TOPAZ1: variants seen among roughly 807,000 people sequenced by gnomAD.
The protein encoded by TOPAZ1 is protein TOPAZ1.
A neutral mutation model predicts 172.2 loss-of-function variants in TOPAZ1; 66 were observed. The observed-to-expected ratio is 0.38, with a 90% CI of 0.31 to 0.47. TOPAZ1 has a LOEUF of 0.47. Among genes scored for constraint, TOPAZ1 ranks in the 20% least tolerant of loss-of-function variants. The probability of loss-of-function intolerance (pLI) is 0.99; values close to 1 mark genes in which losing one functional copy is unlikely to be tolerated. For synonymous variants in TOPAZ1, 681 were observed against 683.9 expected (o/e 1.00, Z 0.07); for missense variants, 1,822 against 1,972.4 (o/e 0.92, Z 1.44).
downstream of TOPAZ1, among the ~76,000 whole-genome samples, chr3:44,336,462 C>G (rs1700727712): frequency 1.3e-5 from 2 of 152,274 alleles, no homozygotes; most frequent in Middle Eastern, 3.4e-3. Flanking sequence ...TGTTGTTCAG[C>G]CACAATCAGA....
chr3:44,276,802 G>GT (rs1053846133), intron 8 of TOPAZ1, among the ~76,000 whole-genome samples: 16 of 150,472 alleles, frequency 1.1e-4, no homozygotes, highest in African/African-American at 1.5e-4. Flanking sequence ...TGTTTTTTTG[G>GT]TTTTTTTTAG....
chr3:44,332,362 G>T (rs576980850), downstream of TOPAZ1, among the ~76,000 whole-genome samples: 2 of 152,102 alleles, frequency 1.3e-5, no homozygotes, highest in African/African-American at 4.8e-5. Flanking sequence ...AACATTTAGG[G>T]GTATGAAATA....
chr3:44,290,672 C>T, intron 11 of TOPAZ1, 99 bp from the exon 12 acceptor site: 1 of 670,620 alleles, frequency 1.5e-6, no homozygotes, highest in Non-Finnish European at 2.5e-6. Context: ...CTCCATGTTT[C>T]ACTTCTTCCA....
chr3:44,331,705 G>A (rs1242166464), intron 19 of TOPAZ1, 87 bp from the exon 20 acceptor site: 4 of 1,030,908 alleles, frequency 3.9e-6, no homozygotes, highest in South Asian at 1.5e-5. Flanking sequence ...TCATAGCTTA[G>A]TACCAGTAAA....
chr3:44,306,543 A>G (rs891526652), intron 15 of TOPAZ1, 117 bp downstream of exon 15: 9 of 558,766 alleles, frequency 1.6e-5, no homozygotes, highest in African/African-American at 1.5e-4. Flanking sequence ...TACAATTGAT[A>G]AAGTGGGACC....
chr3:44,247,962 A>G (rs1490858279), intron 2 of TOPAZ1, among the ~76,000 whole-genome samples: 1 of 152,150 alleles, frequency 6.6e-6, no homozygotes, highest in Admixed American at 6.5e-5. Context: ...AATCTTGACT[A>G]TTTTGATTCA....
chr3:44,326,263 T>C (rs1029152626), intron 18 of TOPAZ1, among the ~76,000 whole-genome samples: 2 of 152,248 alleles, frequency 1.3e-5, no homozygotes, highest in African/African-American at 4.8e-5. Flanking sequence ...ATATTTATAT[T>C]CCCACCAGCC....
chr3:44,255,511 G>T (rs1241545766), intron 3 of TOPAZ1, among the ~76,000 whole-genome samples: 2 of 151,834 alleles, frequency 1.3e-5, no homozygotes, highest in Admixed American at 1.3e-4. Context: ...AATTAGCCGG[G>T]CGTGGTGGCA....
chr3:44,250,216 C>T (rs1699614122), intron 2 of TOPAZ1, among the ~76,000 whole-genome samples: 1 of 125,212 alleles, frequency 8.0e-6, no homozygotes, highest in African/African-American at 3.0e-5. Context: ...GTAGAGTAGT[C>T]TTATTACCAA....
intron 8 of TOPAZ1, among the ~76,000 whole-genome samples, chr3:44,277,997 A>G (rs937153747): frequency 2.0e-5 from 3 of 152,208 alleles, no homozygotes; most frequent in Admixed American, 6.5e-5. Flanking sequence ...ATTTCTTTAT[A>G]GCAATGCAAG....
At chr3:44,324,094 C>T (rs938155980) in intron 18 of TOPAZ1, among the ~76,000 whole-genome samples, 5 of 152,208 alleles carry the variant, frequency 3.3e-5, no homozygotes, top group African/African-American at 1.2e-4. Context: ...GTGATCAATG[C>T]AGCAGGTGGT....
intron 12 of TOPAZ1, among the ~76,000 whole-genome samples, chr3:44,292,061 A>G (rs572833049): frequency 1.1e-4 from 17 of 152,326 alleles, no homozygotes; most frequent in Non-Finnish European, 2.2e-4. Flanking sequence ...AAACTAACCT[A>G]TGGTGTCCTG....
intron 8 of TOPAZ1, among the ~76,000 whole-genome samples, 171 bp from the exon 9 acceptor site, chr3:44,281,797 A>G (rs777953814): frequency 4.6e-5 from 7 of 152,248 alleles, no homozygotes; most frequent in Non-Finnish European, 1.0e-4. Flanking sequence ...TTTTGTAATG[A>G]ATTCAATATG....
chr3:44,257,465 ATATAGTGTGT>A (rs1332247342), intron 4 of TOPAZ1, among the ~76,000 whole-genome samples: 10 of 84,908 alleles, frequency 1.2e-4, no homozygotes, highest in African/African-American at 4.0e-4. Flanking sequence ...TTATATATAT[ATATAGTGTGT>A]GTGTGTGTGT....
chr3:44,259,571 A>T lies in TOPAZ1; in HGVS notation c.2956-2848A>T, dbSNP rs552680422. ...TTTGTTTCCATTTTTTTGCTATTTA[A>T]ATATTGCTGCATTATGCATCCTTGA... On this transcript the variant is annotated intron_variant, in intron 4 of 19. Coordinates refer to ENST00000309765, the MANE Select transcript of TOPAZ1 (RefSeq NM_001145030.2). Among the ~76,000 whole-genome samples the T allele has an allele frequency of 5.9e-5, 9 of 152,224 alleles. No individual in the cohort carries two copies. The South Asian group carries it at 1.7e-3, about 28-fold the overall frequency.
intron 2 of TOPAZ1, 127 bp downstream of exon 2, chr3:44,245,398 T>A (rs1699552102): frequency 7.3e-6 from 7 of 958,050 alleles, no homozygotes; most frequent in Non-Finnish European, 1.0e-5. Context: ...ATTTATTAAA[T>A]GTTATATACC....
chr3:44,332,323 T>A (rs1700679984), downstream of TOPAZ1, among the ~76,000 whole-genome samples: 1 of 152,150 alleles, frequency 6.6e-6, no homozygotes, highest in East Asian at 1.9e-4. Flanking sequence ...AGGGAAAATA[T>A]GCAAGCAGGT....
At chr3:44,302,656 T>A (rs960780951) in intron 12 of TOPAZ1, among the ~76,000 whole-genome samples, 8 of 152,212 alleles carry the variant, frequency 5.3e-5, no homozygotes, top group Non-Finnish European at 5.9e-5. Context: ...TTCCTGGATC[T>A]TCTTGGATGT....
At position 44,242,184 on chromosome 3, in the gene TOPAZ1, G is replaced by C; in HGVS notation, c.131G>C (p.Arg44Pro). The change falls in exon 1 of 20, where the codon CGG becomes CCG. Residue 44 changes from arginine (R) to proline (P), a missense_variant. Around this residue, in one of 2 missense-constraint regions of TOPAZ1, gnomAD observed 1,489 missense variants for 1,490.8 expected, o/e 1.00. Transcript: ENST00000309765. ...GGCGPEAGGC[R>P]ENKQKRRMVA... ...TGTGGCCCTGAGGCCGGGGGGTGCC[G>C]GGAAAATAAGCAAAAGAGGAGAATG... The C allele has an allele frequency of 6.5e-7, 1 of 1,542,434 alleles. No homozygotes were observed. Among genetic ancestry groups the C allele is most frequent in the Non-Finnish European group, 8.7e-7 (1 of 1,144,638 alleles).
Sources: gnomAD v4.1 joint callset for allele counts (sites outside exome capture counted in the v4.1 genomes callset) on GRCh38, gnomAD v4.1.1 for gene constraint, gnomAD v4.1.1 regional missense constraint, MANE v1.5 for transcripts, NCBI Gene and HGNC (gene_info 2026-07-23, HGNC 2026-07-21) for gene names.